Variants in ANTXR1 observed in about 807,000 individuals in gnomAD.
ANTXR1 encodes anthrax toxin receptor 1.
In ANTXR1, 19 loss-of-function variants were observed where a neutral mutation model predicts 78.1. That is an observed-to-expected ratio of 0.24 (90% CI 0.17 to 0.36). The LOEUF is 0.36. ANTXR1 is among the 10% of genes least tolerant of loss of function. The pLI is 1.00. For synonymous variants in ANTXR1, 273 were observed against 260.5 expected (o/e 1.05, Z -0.46); for missense variants, 518 against 718.6 (o/e 0.72, Z 3.19).
In ANTXR1 at chr2:69,090,849, C is replaced by A. The variant is rs1424861827; in HGVS notation, c.643-10C>A. ...CTGTGCATTGACTCTTTTATTTCCGCTCCTCCTAGATTTTGAAGAAGTCCT... is the reference window on the plus strand; with the variant it reads ...CTGTGCATTGACTCTTTTATTTCCGATCCTCCTAGATTTTGAAGAAGTCCT... On this transcript the variant is annotated splice_polypyrimidine_tract_variant and intron_variant, in intron 8 of 17. Transcript: ENST00000303714. 1 of 1,612,774 alleles carries A rather than the reference C, an allele frequency of 6.2e-7. No individual in the cohort carries two copies. The highest frequency in any genetic ancestry group is 1.7e-5 in the Admixed American group (1 of 60,020).
chr2:69,098,579 A>C (rs985435119), intron 9 of ANTXR1, among the ~76,000 whole-genome samples: 2 of 152,274 alleles, frequency 1.3e-5, no homozygotes, highest in African/African-American at 4.8e-5. Flanking sequence ...GAAACCAAAG[A>C]AATAAAAGGA....
intron 12 of ANTXR1, among the ~76,000 whole-genome samples, chr2:69,130,811 T>C (rs577859386): frequency 8.1e-4 from 123 of 152,294 alleles, no homozygotes; most frequent in Non-Finnish European, 1.5e-3. Context: ...CATGCTCCTT[T>C]TGAGTCTCTA....
rs1363648663 is a variant in ANTXR1, at chr2:69,204,023, C to G, written c.1434+10608C>G. Among the ~76,000 whole-genome samples the G allele has an allele frequency of 3.3e-5, 5 of 152,230 alleles. No homozygotes were observed. The East Asian group carries it at 9.7e-4, about 29-fold the overall frequency. On this transcript the variant is annotated intron_variant, in intron 17 of 17. Transcript: ENST00000303714. ...GGGAGGTAGGGATTAGCTCTAGGGT[C>G]AGAATTTTACCCAAGTGTGTAATAT...
chr2:69,147,248 A>G (rs1673256308), intron 12 of ANTXR1, among the ~76,000 whole-genome samples: 1 of 152,274 alleles, frequency 6.6e-6, no homozygotes, highest in Non-Finnish European at 1.5e-5. Context: ...AAAAGGACTG[A>G]TTTAGCATAA....
chr2:69,219,104 C>T (rs1177739247), intron 17 of ANTXR1, among the ~76,000 whole-genome samples: 1 of 152,122 alleles, frequency 6.6e-6, no homozygotes, highest in African/African-American at 2.4e-5. Context: ...AGGTCATAAC[C>T]TCCTCATCCA....
chr2:69,036,842 C>T (rs188254246), intron 1 of ANTXR1, among the ~76,000 whole-genome samples: 41 of 152,272 alleles, frequency 2.7e-4, no homozygotes, highest in African/African-American at 9.4e-4. Context: ...AGATCACCAC[C>T]CAGGACCCCC....
chr2:69,077,083 C>G, intron 7 of ANTXR1: 2 of 375,560 alleles, frequency 5.3e-6, no homozygotes, highest in South Asian at 6.3e-5. Flanking sequence ...GAAAAATGAG[C>G]CCATGGCCTG....
At chr2:69,240,569 A>G (rs1323092137) in intron 17 of ANTXR1, among the ~76,000 whole-genome samples, 2 of 152,260 alleles carry the variant, frequency 1.3e-5, no homozygotes, top group African/African-American at 4.8e-5. Context: ...TGAATTGACC[A>G]GACTTAGGTT....
At chr2:69,182,142 C>A in intron 15 of ANTXR1, 1 of 564,908 alleles carries the variant, frequency 1.8e-6, no homozygotes, top group Non-Finnish European at 3.2e-6. Flanking sequence ...CATGTCTTGC[C>A]CACCGTGAGT....
At chr2:69,015,085 A>AG (rs1558726930) in intron 1 of ANTXR1, among the ~76,000 whole-genome samples, 2 of 148,196 alleles carry the variant, frequency 1.3e-5, no homozygotes, top group East Asian at 2.0e-4. Flanking sequence ...AAAAAAAAAA[A>AG]AGGGGGACAG....
At chr2:69,039,842 G>A (rs952429527) in intron 1 of ANTXR1, among the ~76,000 whole-genome samples, 10 of 151,736 alleles carry the variant, frequency 6.6e-5, no homozygotes, top group African/African-American at 2.4e-4. Flanking sequence ...GAGATTGGGG[G>A]AGTTCTTTTA....
chr2:69,175,266 G>A (rs530804333), intron 14 of ANTXR1, among the ~76,000 whole-genome samples: 109 of 152,294 alleles, frequency 7.2e-4, no homozygotes, highest in African/African-American at 2.5e-3. Context: ...TTTCCCGCCT[G>A]TCTTCTCTTT....
chr2:69,157,108 C>T (rs1673548350), intron 13 of ANTXR1, among the ~76,000 whole-genome samples: 2 of 152,162 alleles, frequency 1.3e-5, no homozygotes, highest in Admixed American at 1.3e-4. Context: ...AACTGAATTT[C>T]CCAGCCAGTG....
chr2:69,059,261 TTGTGTGAAAGGAAGA>T (rs999150234), intron 3 of ANTXR1, among the ~76,000 whole-genome samples: 28 of 152,204 alleles, frequency 1.8e-4, no homozygotes, highest in Admixed American at 3.3e-4. Flanking sequence ...CAGAGAAATC[TTGTGTGAAAGGAAGA>T]GTGAATTGAT....
intron 3 of ANTXR1, among the ~76,000 whole-genome samples, chr2:69,048,820 C>T (rs1182274187): frequency 6.6e-6 from 1 of 152,148 alleles, no homozygotes; most frequent in Non-Finnish European, 1.5e-5. Context: ...CAACCACATA[C>T]ATTTTAAATA....
At chr2:69,141,759 G>T (rs1396241166) in intron 12 of ANTXR1, among the ~76,000 whole-genome samples, 1 of 152,218 alleles carries the variant, frequency 6.6e-6, no homozygotes, top group African/African-American at 2.4e-5. Flanking sequence ...CATCTGTCAT[G>T]AATGAGTGAT....
intron 13 of ANTXR1, among the ~76,000 whole-genome samples, chr2:69,160,043 A>T (rs1272087091): frequency 3.3e-5 from 5 of 152,256 alleles, no homozygotes; most frequent in African/African-American, 9.6e-5. Context: ...CAACTGGGAC[A>T]GGCAACTTCT....
intron 9 of ANTXR1, among the ~76,000 whole-genome samples, chr2:69,095,116 C>T (rs980179426): frequency 6.6e-6 from 1 of 152,140 alleles, no homozygotes; most frequent in Non-Finnish European, 1.5e-5. Flanking sequence ...TGTCCATAGG[C>T]GAAGAGGTAA....
chr2:69,056,238 C>T (rs1011004163), intron 3 of ANTXR1, among the ~76,000 whole-genome samples: 1 of 152,066 alleles, frequency 6.6e-6, no homozygotes, highest in Non-Finnish European at 1.5e-5. Context: ...TTTTATTGCC[C>T]AACAAAAACA....
Sources: allele counts gnomAD v4.1 joint callset (sites outside exome capture counted in the v4.1 genomes callset), GRCh38; gene constraint gnomAD v4.1.1; transcripts MANE v1.5; gene names NCBI Gene and HGNC (gene_info 2026-07-23, HGNC 2026-07-21).